SERPINF1: variants seen among roughly 807,000 people sequenced by gnomAD.
The protein encoded by SERPINF1 is serpin family F member 1.
Under a neutral mutation model 37.3 loss-of-function variants are expected in SERPINF1, and 29 were observed. That is an observed-to-expected ratio of 0.78 (90% confidence interval 0.58 to 1.06). SERPINF1 has a LOEUF of 1.06. SERPINF1 is among the 50% of genes least tolerant of loss of function. The pLI is 0.00. For synonymous variants in SERPINF1, 281 were observed against 227.9 expected (o/e 1.23, Z -2.10); for missense variants, 553 against 532.2 (o/e 1.04, Z -0.38).
intron 2 of SERPINF1, among the ~76,000 whole-genome samples, chr17:1,768,028 C>T (rs1028978649): frequency 2.0e-5 from 3 of 151,892 alleles, no homozygotes; most frequent in African/African-American, 7.3e-5. Context: ...CATAGTGAGA[C>T]CCCTGTCTCT....
At chr17:1,767,716 T>G (rs1907470396) in intron 2 of SERPINF1, among the ~76,000 whole-genome samples, 1 of 152,188 alleles carries the variant, frequency 6.6e-6, no homozygotes, top group African/African-American at 2.4e-5. Flanking sequence ...GCCCTGGACT[T>G]TCGTGAGGTC....
chr17:1,775,457 G>A (rs576667283), intron 6 of SERPINF1, among the ~76,000 whole-genome samples: 1 of 152,174 alleles, frequency 6.6e-6, no homozygotes, highest in African/African-American at 2.4e-5. Context: ...CTCAGACTGG[G>A]CACCCACATG....
rs143907447 is a variant in SERPINF1, at chr17:1,769,910, A to G, written c.143A>G (p.Lys48Arg). The change falls in exon 3 of 8, where the codon AAA becomes AGA. Residue 48 changes from lysine to arginine, a missense_variant. Transcript: ENST00000254722. ...ALVEEEDPFFKVPVNKLAAAV... is the reference protein window; with the variant it reads ...ALVEEEDPFFRVPVNKLAAAV... ...GTGGAGGAGGAGGATCCTTTCTTCAAAGTCCCCGTGAACAAGCTGGCAGCG... is the reference window on the plus strand; with the variant it reads ...GTGGAGGAGGAGGATCCTTTCTTCAGAGTCCCCGTGAACAAGCTGGCAGCG... 3 of 1,614,032 alleles carry G rather than the reference A, an allele frequency of 1.9e-6. No homozygotes were observed. The African/African-American group carries it at 4.0e-5, about 22-fold the overall frequency.
At position 1,776,588 on chromosome 17, in the gene SERPINF1, A is replaced by G; in HGVS notation, c.843A>G (p.Lys281=). 1 of 1,614,014 alleles carries G rather than the reference A, an allele frequency of 6.2e-7. No homozygotes were observed. The highest frequency in any genetic ancestry group is 1.1e-5 in the South Asian group (1 of 91,076). ...GTATCATCTTCTTCCTGCCCCTGAA[A>G]GTGACCCAGAATTTGACCTTGATAG... ...SMSIIFFLPL[K]VTQNLTLIEE... is the part of the protein sequence containing the mutation. Residue 281 remains lysine, a synonymous_variant, in exon 7 of 8, where the codon AAA becomes AAG. Coordinates refer to ENST00000254722, the MANE Select transcript of SERPINF1 (RefSeq NM_002615.7).
In SERPINF1 at chr17:1,771,171, C is replaced by A. The variant is rs747222233; in HGVS notation, c.426C>A (p.Ile142=). The A allele has an allele frequency of 1.2e-6, 2 of 1,613,502 alleles. No homozygotes were observed. The highest frequency in any genetic ancestry group is 2.2e-5 in the South Asian group (2 of 91,062). The part of the protein sequence containing the change: ...PQKNLKSASR[I]VFEKKLRIKS... ...AGAACCTCAAGAGTGCCTCCCGGAT[C>A]GTCTTTGAGAAGAGTGAGTCGCCTT... The change falls in exon 4 of 8, where the codon ATC becomes ATA. Residue 142 remains isoleucine (I), a synonymous_variant. Coordinates refer to ENST00000254722, the MANE Select transcript of SERPINF1 (RefSeq NM_002615.7).
At chr17:1,766,687 G>A (rs1213298042) in intron 1 of SERPINF1, 3 of 570,564 alleles carry the variant, frequency 5.3e-6, no homozygotes, top group South Asian at 2.2e-5. Context: ...CTGAGGCAGG[G>A]GGAGGGGCGG....
At chr17:1,765,868 C>CAA (rs531558071) in intron 1 of SERPINF1, among the ~76,000 whole-genome samples, 1,643 of 112,640 alleles carry the variant, frequency 0.015, 17 homozygotes, top group Admixed American at 0.021. Flanking sequence ...TCTTGTCTCC[C>CAA]AAAAAAAAAA....
chr17:1,776,126 A>C (rs1397150357), intron 6 of SERPINF1, among the ~76,000 whole-genome samples: 2 of 152,004 alleles, frequency 1.3e-5, no homozygotes, highest in East Asian at 3.9e-4. Context: ...AAGCCCTCTT[A>C]CGGCCCCTTC....
intron 5 of SERPINF1, among the ~76,000 whole-genome samples, chr17:1,773,520 T>C (rs865794780): frequency 3.9e-5 from 6 of 152,352 alleles, no homozygotes; most frequent in African/African-American, 1.2e-4. Context: ...AGTGCTGGGA[T>C]TACAGGCGTG....
In SERPINF1 at chr17:1,777,437, G is replaced by C; in HGVS notation, c.1248G>C (p.Arg416Ser). 1 of 1,614,094 alleles carries C rather than the reference G, an allele frequency of 6.2e-7. No homozygotes were observed. Among genetic ancestry groups the C allele is most frequent in the African/African-American group, 1.3e-5 (1 of 75,014 alleles). ...LLFIGKILDP[R>S]GP ...TCATTGGCAAGATTCTGGACCCCAG[G>C]GGCCCCTAATATCCCAGTTTAATAT... The change falls in exon 8 of 8, where the codon AGG (arginine) becomes AGC (serine). Residue 416 changes from arginine to serine, a missense_variant. Physicochemically the swap from Arg to Ser is moderately radical, Grantham distance 110. Coordinates refer to ENST00000254722, the MANE Select transcript of SERPINF1 (RefSeq NM_002615.7).
At chr17:1,776,877 T>C (rs528764546) in intron 7 of SERPINF1, 135 bp downstream of exon 7, 2 of 844,098 alleles carry the variant, frequency 2.4e-6, no homozygotes, top group African/African-American at 1.7e-5. Flanking sequence ...TTAATCCTCA[T>C]CGTGCCAGAA....
intron 5 of SERPINF1, among the ~76,000 whole-genome samples, chr17:1,774,186 C>T (rs1030767195): frequency 6.6e-6 from 1 of 152,078 alleles, no homozygotes; most frequent in Non-Finnish European, 1.5e-5. Context: ...GAGTGCACAC[C>T]AGTTTACTTT....
Position 1,777,307 on chromosome 17 carries a change from C to T in SERPINF1, c.1118C>T (p.Pro373Leu), listed in dbSNP as rs1261574341. The T allele has an allele frequency of 6.2e-7, 1 of 1,614,162 alleles. No homozygotes were observed. Among genetic ancestry groups the T allele is most frequent in the Admixed American group, 1.7e-5 (1 of 60,004 alleles). Reference protein sequence around the residue: ...EWNEDGAGTTPSPGLQPAHLT... With the variant: ...EWNEDGAGTTLSPGLQPAHLT... ...AACGAGGATGGGGCGGGAACCACCCCCAGCCCAGGGCTGCAGCCTGCCCAC... is the reference window on the plus strand; with the variant it reads ...AACGAGGATGGGGCGGGAACCACCCTCAGCCCAGGGCTGCAGCCTGCCCAC... Residue 373 changes from proline (P) to leucine (L), a missense_variant, in exon 8 of 8, where the codon CCC becomes CTC. Physicochemically the swap from Pro to Leu is moderately conservative, Grantham distance 98. Coordinates refer to ENST00000254722, the MANE Select transcript of SERPINF1 (RefSeq NM_002615.7).
chr17:1,776,660 G>A lies in SERPINF1; in HGVS notation c.915G>A (p.Leu305=). Residue 305 remains leucine, a synonymous_variant, in exon 7 of 8, where the codon CTG becomes CTA. Coordinates refer to ENST00000254722, the MANE Select transcript of SERPINF1 (RefSeq NM_002615.7). The stretch of plus-strand genomic sequence containing the variant: ...TCATTCATGACATAGACCGAGAACT[G>A]AAGACCGTGCAGGCGGTCCTCACTG... ...SEFIHDIDRE[L]KTVQAVLTVP... 6.2e-7 allele frequency: 1 copy of A among 1,614,000 alleles called. No homozygotes were observed. The highest frequency in any genetic ancestry group is 8.5e-7 in the Non-Finnish European group (1 of 1,180,024).
intron 6 of SERPINF1, among the ~76,000 whole-genome samples, chr17:1,775,422 C>T (rs757586330): frequency 3.9e-5 from 6 of 151,986 alleles, no homozygotes; most frequent in Non-Finnish European, 7.3e-5. Context: ...GTTGTAAGGA[C>T]GAATAAGGTA....
rs758353620 is a variant in SERPINF1 at position 1,769,929 on chromosome 17, G to C, written c.162G>C (p.Leu54=). ...TCTTCAAAGTCCCCGTGAACAAGCT[G>C]GCAGCGGCTGTCTCCAACTTCGGCT... The part of the protein sequence containing the change: ...DPFFKVPVNK[L]AAAVSNFGYD... The change falls in exon 3 of 8, where the codon CTG becomes CTC. Residue 54 remains leucine, a synonymous_variant. Coordinates refer to ENST00000254722, the MANE Select transcript of SERPINF1 (RefSeq NM_002615.7). 2 of 1,614,208 alleles carry C rather than the reference G, an allele frequency of 1.2e-6. No homozygotes were observed. Among genetic ancestry groups the C allele is most frequent in the Non-Finnish European group, 1.7e-6 (2 of 1,180,038 alleles).
rs373146540 is a variant in SERPINF1 at position 1,770,026 on chromosome 17, A to T, written c.259A>T (p.Thr87Ser). The part of the protein sequence containing the change: ...NVLLSPLSVA[T>S]ALSALSLGAE... ...GCTCCTGTCTCCTCTCAGTGTGGCC[A>T]CGGCCCTCTCGGCCCTCTCGCTGGG... is the stretch of plus-strand genomic sequence containing the variant. Residue 87 changes from threonine to serine, a missense_variant, in exon 3 of 8, where the codon ACG becomes TCG. Thr to Ser is a moderately conservative substitution (Grantham distance 58, BLOSUM62 1). Coordinates refer to ENST00000254722, the MANE Select transcript of SERPINF1 (RefSeq NM_002615.7). 14 of 1,614,090 alleles carry T rather than the reference A, an allele frequency of 8.7e-6. No homozygotes were observed. The highest frequency in any genetic ancestry group is 2.2e-5 in the East Asian group (1 of 44,896).
intron 4 of SERPINF1, 120 bp downstream of exon 4, chr17:1,771,304 A>C: frequency 9.2e-7 from 1 of 1,087,950 alleles, no homozygotes; most frequent in Non-Finnish European, 1.3e-6. Context: ...GCTGGAGTGC[A>C]GTGGCGTGAT....
intron 1 of SERPINF1, among the ~76,000 whole-genome samples, chr17:1,764,486 C>T: frequency 6.6e-6 from 1 of 152,236 alleles, no homozygotes; most frequent in Non-Finnish European, 1.5e-5. Flanking sequence ...CATGTCAGGG[C>T]AGCCACGTGC....
Sources: allele counts gnomAD v4.1 joint callset (sites outside exome capture counted in the v4.1 genomes callset), GRCh38; gene constraint gnomAD v4.1.1; transcripts MANE v1.5; gene names NCBI Gene and HGNC (gene_info 2026-07-23, HGNC 2026-07-21).